RERE: variants seen among roughly 807,000 people sequenced by gnomAD.
The protein encoded by RERE is arginine-glutamic acid dipeptide repeats.
In RERE, 40 loss-of-function variants were observed where a neutral mutation model predicts 146.1. The observed-to-expected ratio is 0.27, with a 90% CI of 0.21 to 0.36. RERE has a LOEUF of 0.36. Ranked by LOEUF, RERE falls within the 10% of genes least tolerant of loss-of-function variation. The pLI, the probability that RERE is intolerant of heterozygous loss-of-function variation, is 1.00. For synonymous variants in RERE, 1,003 were observed against 866.0 expected (o/e 1.16, Z -2.78); for missense variants, 1,933 against 2,138.7 (o/e 0.90, Z 1.90).
At chr1:8,610,030 A>G (rs1646773250) in intron 4 of RERE, among the ~76,000 whole-genome samples, 1 of 152,092 alleles carries the variant, frequency 6.6e-6, no homozygotes, top group Admixed American at 6.5e-5. Context: ...CAGCCTCCCA[A>G]ACTGCTGGGG....
At chr1:8,421,142 T>C (rs1278269970) in intron 12 of RERE, among the ~76,000 whole-genome samples, 2 of 152,242 alleles carry the variant, frequency 1.3e-5, no homozygotes, top group South Asian at 2.1e-4. Flanking sequence ...GATAGTTCTG[T>C]ATCAAATTCT....
At chr1:8,608,198 T>C (rs1646745622) in intron 4 of RERE, among the ~76,000 whole-genome samples, 1 of 152,118 alleles carries the variant, frequency 6.6e-6, no homozygotes, top group Admixed American at 6.5e-5. Flanking sequence ...TGTTCAGATA[T>C]TTTTTCAATC....
At chr1:8,498,168 G>C (rs1403633949) in intron 8 of RERE, among the ~76,000 whole-genome samples, 2 of 151,368 alleles carry the variant, frequency 1.3e-5, no homozygotes, top group Non-Finnish European at 2.9e-5. Flanking sequence ...AGACCAGCCT[G>C]GCCAAGATGC....
intron 7 of RERE, among the ~76,000 whole-genome samples, chr1:8,529,453 C>G (rs1010008402): frequency 8.5e-6 from 1 of 117,914 alleles, no homozygotes; most frequent in Non-Finnish European, 1.7e-5. Flanking sequence ...CTACACCCAA[C>G]TAAATTTTTT....
At chr1:8,597,974 G>A (rs982568218) in intron 4 of RERE, among the ~76,000 whole-genome samples, 2 of 151,968 alleles carry the variant, frequency 1.3e-5, no homozygotes, top group Non-Finnish European at 2.9e-5. Context: ...AGGTCTCAGT[G>A]GTTCTGCATT....
At chr1:8,640,170 A>G (rs1409001994) in intron 2 of RERE, among the ~76,000 whole-genome samples, 1 of 151,828 alleles carries the variant, frequency 6.6e-6, no homozygotes, top group Non-Finnish European at 1.5e-5. Context: ...AAAAAAGAAT[A>G]AAAAACAACA....
intron 3 of RERE, among the ~76,000 whole-genome samples, chr1:8,623,048 A>T (rs1371338067): frequency 6.6e-6 from 1 of 152,204 alleles, no homozygotes; most frequent in Admixed American, 6.5e-5. Context: ...CACAATCTTC[A>T]AAGTACTAGG....
At chr1:8,647,803 T>G (rs528975393) in intron 2 of RERE, among the ~76,000 whole-genome samples, 33 of 152,260 alleles carry the variant, frequency 2.2e-4, no homozygotes, top group Middle Eastern at 3.4e-3. Flanking sequence ...TGACACCACT[T>G]GCAGCCTCCA....
At chr1:8,505,783 G>A (rs1209895402) in intron 8 of RERE, among the ~76,000 whole-genome samples, 1 of 152,080 alleles carries the variant, frequency 6.6e-6, no homozygotes, top group East Asian at 1.9e-4. Context: ...TACCCACCTT[G>A]GCCTCCCAAA....
chr1:8,496,730 C>T (rs1479464757), intron 9 of RERE, among the ~76,000 whole-genome samples: 11 of 152,120 alleles, frequency 7.2e-5, no homozygotes, highest in Admixed American at 3.9e-4. Context: ...GCATCGAAGG[C>T]ATTTGTATGT....
At chr1:8,657,546 T>C (rs1282416585) in intron 1 of RERE, among the ~76,000 whole-genome samples, 1 of 152,080 alleles carries the variant, frequency 6.6e-6, no homozygotes, top group Non-Finnish European at 1.5e-5. Context: ...GAAAATGATC[T>C]CTCTAAAGAT....
intron 12 of RERE, among the ~76,000 whole-genome samples, chr1:8,387,336 C>G (rs914759585): frequency 5.3e-5 from 8 of 152,182 alleles, no homozygotes; most frequent in Admixed American, 1.3e-4. Flanking sequence ...GGACTAAGAA[C>G]TTAAATACGA....
At chr1:8,598,336 A>G (rs944976820) in intron 4 of RERE, among the ~76,000 whole-genome samples, 27 of 152,172 alleles carry the variant, frequency 1.8e-4, no homozygotes, top group African/African-American at 6.0e-4. Flanking sequence ...AAAACAGTTA[A>G]CCACCTATGA....
chr1:8,528,676 T>G lies in RERE; in HGVS notation c.830+12538A>C, dbSNP rs1345374357. The stretch of plus-strand genomic sequence containing the variant: ...ACTGGAACGTTTTAGATTTTTGGAT[T>G]AAGGATATAGAATAAGCAAATATTC... On this transcript the variant is annotated intron_variant, in intron 7 of 22. Transcript: ENST00000400908. 3.9e-5 allele frequency among the ~76,000 whole-genome samples: 6 copies of G among 152,168 alleles called. No individual in the cohort carries two copies. The East Asian group carries it at 1.2e-3, about 29-fold the overall frequency.
chr1:8,522,717 A>G (rs1645517569), intron 7 of RERE, among the ~76,000 whole-genome samples: 1 of 152,032 alleles, frequency 6.6e-6, no homozygotes, highest in African/African-American at 2.4e-5. Context: ...ACTAAAAAAT[A>G]CAAAAATTAG....
chr1:8,724,258 T>C (rs1639915662), intron 1 of RERE, among the ~76,000 whole-genome samples: 1 of 151,116 alleles, frequency 6.6e-6, no homozygotes, highest in East Asian at 1.9e-4. Context: ...CTTCTTTGGG[T>C]TTCTGGCTCA....
intron 2 of RERE, among the ~76,000 whole-genome samples, chr1:8,651,374 C>A (rs1431044104): frequency 6.6e-6 from 1 of 152,080 alleles, no homozygotes; most frequent in Non-Finnish European, 1.5e-5. Flanking sequence ...CACGCCACTA[C>A]CCTCCAGTCT....
At chr1:8,637,965 A>G (rs571507875) in intron 2 of RERE, among the ~76,000 whole-genome samples, 4 of 152,366 alleles carry the variant, frequency 2.6e-5, no homozygotes, top group Admixed American at 1.3e-4. Context: ...AGAACGGAGA[A>G]TATTTGGAAA....
chr1:8,436,799 ATTC>A (rs1249045792), intron 11 of RERE, among the ~76,000 whole-genome samples: 1 of 152,230 alleles, frequency 6.6e-6, no homozygotes, highest in Non-Finnish European at 1.5e-5. Flanking sequence ...AATATTTTAC[ATTC>A]TTTTTCTTCC....
Sources: gnomAD v4.1 joint callset for allele counts (sites outside exome capture counted in the v4.1 genomes callset) on GRCh38, gnomAD v4.1.1 for gene constraint, MANE v1.5 for transcripts, NCBI Gene and HGNC (gene_info 2026-07-23, HGNC 2026-07-21) for gene names.